PCDHA7: variants seen among roughly 807,000 people sequenced by gnomAD.
PCDHA7 encodes the protein protocadherin alpha-7.
A neutral mutation model predicts 57.2 loss-of-function variants in PCDHA7; 37 were observed. The observed-to-expected ratio is 0.65, with a 90% confidence interval of 0.50 to 0.85. The LOEUF (loss-of-function observed/expected upper bound fraction) is 0.85, where lower values mean the gene tolerates loss of function less well. PCDHA7 is among the 40% of genes least tolerant of loss of function. PCDHA7 has a pLI of 0.00. For synonymous variants in PCDHA7, 553 were observed against 558.8 expected, an observed-to-expected ratio of 0.99 and a Z score of 0.15; for missense variants, 1,188 against 1,241.8, an observed-to-expected ratio of 0.96 and a Z score of 0.65.
chr5:140,949,924 A>AT (rs144693243), intron 1 of PCDHA7, among the ~76,000 whole-genome samples: 6 of 151,302 alleles, frequency 4.0e-5, no homozygotes, highest in African/African-American at 7.3e-5. Context: ...CTATTTTTAG[A>AT]TTTTTTTTAA....
intron 1 of PCDHA7, chr5:140,966,920 C>G: frequency 6.2e-7 from 1 of 1,602,674 alleles, no homozygotes; most frequent in Non-Finnish European, 8.5e-7. Flanking sequence ...GCCAGAGGAG[C>G]AGGCACCCGG....
chr5:140,988,535 A>T (rs1426235004), intron 3 of PCDHA7, among the ~76,000 whole-genome samples: 2 of 152,164 alleles, frequency 1.3e-5, no homozygotes, highest in Non-Finnish European at 2.9e-5. Flanking sequence ...GGCTCCATCC[A>T]TTCATGACTT....
Position 140,849,623 on chromosome 5 carries a change from C to T in PCDHA7, c.2355+12885C>T, listed in dbSNP as rs1554143110. 1.3e-5 allele frequency: 21 copies of T among 1,598,756 alleles called. 2 individuals are homozygous for T. The highest frequency in any genetic ancestry group is 1.5e-5 in the Non-Finnish European group (18 of 1,167,974). ...TTATTGCCCTGATTAGTGTGATCGA[C>T]CTAGACGCAGATGCCAACGGGCAGG... On this transcript the variant is annotated intron_variant, in intron 1 of 3. Transcript: ENST00000525929.
chr5:140,924,437 T>A (rs2081836231), intron 1 of PCDHA7, among the ~76,000 whole-genome samples: 1 of 152,206 alleles, frequency 6.6e-6, no homozygotes, highest in Admixed American at 6.5e-5. Flanking sequence ...CTAGAAGAGA[T>A]AACGAATGGG....
At chr5:140,938,876 A>AAC (rs142461507) in intron 1 of PCDHA7, among the ~76,000 whole-genome samples, 11 of 151,144 alleles carry the variant, frequency 7.3e-5, no homozygotes, top group South Asian at 2.1e-4. Context: ...GTTAAGAAGC[A>AAC]ACACACACAC....
At chr5:140,856,372 C>T in intron 1 of PCDHA7, 3 of 1,598,462 alleles carry the variant, frequency 1.9e-6, no homozygotes, top group Non-Finnish European at 2.6e-6. Context: ...TGGAGGTGAT[C>T]GTGGACAGGC....
At chr5:140,895,897 C>T (rs994708254) in intron 1 of PCDHA7, among the ~76,000 whole-genome samples, 25 of 152,240 alleles carry the variant, frequency 1.6e-4, no homozygotes, top group African/African-American at 5.3e-4. Flanking sequence ...CTGCAACCTC[C>T]GCGTCCCGGG....
In PCDHA7 at chr5:140,851,227, T is replaced by C; in HGVS notation, c.2355+14489T>C. On this transcript the variant is annotated intron_variant, in intron 1 of 3. Coordinates refer to ENST00000525929, the MANE Select transcript of PCDHA7 (RefSeq NM_018910.3). ...TCATTAAACATTAACATCACTATCA[T>C]TTATTTATTGCTAAATGATGCATAG... The C allele has an allele frequency of 4.4e-6, 5 of 1,142,852 alleles. 1 individual carries two copies. In the South Asian group the frequency reaches 1.4e-4, roughly 31 times the overall value. The allele number at this position is 1,142,852 out of a possible 1,614,324, so 70.8% of individuals were successfully genotyped here. A position where few individuals can be genotyped will look rare whatever the true frequency, so the allele number is the denominator to read the frequency against.
intron 2 of PCDHA7, among the ~76,000 whole-genome samples, chr5:140,979,626 A>T (rs2096859120): frequency 2.0e-5 from 3 of 152,204 alleles, no homozygotes; most frequent in Non-Finnish European, 4.4e-5. Flanking sequence ...TTAGTCTAAG[A>T]CTCAGATTAA....
At chr5:140,994,785 A>G (rs942763350) in intron 3 of PCDHA7, among the ~76,000 whole-genome samples, 2 of 152,168 alleles carry the variant, frequency 1.3e-5, no homozygotes, top group African/African-American at 4.8e-5. Flanking sequence ...AAAGGAAACA[A>G]TGCGTGCATG....
At chr5:140,963,159 C>T (rs971538193) in intron 1 of PCDHA7, among the ~76,000 whole-genome samples, 14 of 151,752 alleles carry the variant, frequency 9.2e-5, no homozygotes, top group Non-Finnish European at 1.9e-4. Flanking sequence ...AAAAATGACA[C>T]ATGCCATCTT....
intron 1 of PCDHA7, among the ~76,000 whole-genome samples, chr5:140,845,274 T>C (rs1779779803): frequency 6.7e-6 from 1 of 149,592 alleles, no homozygotes; most frequent in South Asian, 2.1e-4. Flanking sequence ...TTTGTGAAAG[T>C]AATATTTCCT....
chr5:140,873,998 C>T (rs2054625298), intron 1 of PCDHA7, among the ~76,000 whole-genome samples: 1 of 152,166 alleles, frequency 6.6e-6, no homozygotes, highest in Non-Finnish European at 1.5e-5. Context: ...ATGTATGGTA[C>T]ATTGACCACT....
At chr5:140,862,414 C>T in intron 1 of PCDHA7, 2 of 351,200 alleles carry the variant, frequency 5.7e-6, no homozygotes, top group South Asian at 2.2e-5. Flanking sequence ...CTTCAAAAGG[C>T]GCTGCCCAGA....
At chr5:140,921,681 C>T (rs1554200353) in intron 1 of PCDHA7, among the ~76,000 whole-genome samples, 1 of 152,136 alleles carries the variant, frequency 6.6e-6, no homozygotes, top group East Asian at 1.9e-4. Context: ...TATCATCAAA[C>T]ACTGGCCACC....
chr5:140,988,817 C>T (rs1244038207), intron 3 of PCDHA7: 8 of 152,028 alleles, frequency 5.3e-5, no homozygotes, highest in Admixed American at 1.3e-4. Context: ...TAACAGTAGC[C>T]CCAAACAGAG....
At chr5:140,949,628 C>G (rs974912926) in intron 1 of PCDHA7, among the ~76,000 whole-genome samples, 18 of 151,706 alleles carry the variant, frequency 1.2e-4, no homozygotes, top group African/African-American at 4.1e-4. Context: ...GTTTTCATGG[C>G]ATATTGCTTT....
At chr5:140,836,816 T>G in intron 1 of PCDHA7, 78 bp downstream of exon 1, 1 of 1,201,468 alleles carries the variant, frequency 8.3e-7, no homozygotes, top group Non-Finnish European at 1.2e-6. Context: ...TCTTTCATAA[T>G]TTCTTTTTTA....
intron 3 of PCDHA7, among the ~76,000 whole-genome samples, chr5:140,984,328 G>A (rs1221209076): frequency 3.3e-5 from 5 of 152,156 alleles, no homozygotes; most frequent in African/African-American, 1.2e-4. Context: ...GGCAAATGTG[G>A]AATAGGAACC....
Sources: gnomAD v4.1 joint callset for allele counts (sites outside exome capture counted in the v4.1 genomes callset) on GRCh38, gnomAD v4.1.1 for gene constraint, MANE v1.5 for transcripts, NCBI Gene and HGNC (gene_info 2026-07-23, HGNC 2026-07-21) for gene names.